Variants in EYS observed in about 807,000 individuals in gnomAD.
EYS encodes the protein protein eyes shut homolog.
A neutral mutation model predicts 282.1 loss-of-function variants in EYS; 250 were observed. The ratio of observed to expected loss-of-function variants is 0.89; its 90% CI spans 0.80 to 0.98. The LOEUF (loss-of-function observed/expected upper bound fraction) is 0.98, where lower values mean the gene tolerates loss of function less well. Among genes scored for constraint, EYS ranks in the 50% least tolerant of loss-of-function variants. The pLI is 0.00. For missense variants in EYS, 4,016 were observed against 3,709.0 expected (o/e 1.08, Z -2.15); for synonymous variants, 1,355 against 1,282.9 (o/e 1.06, Z -1.20).
At chr6:63,761,135 T>C (rs1242661960) in intron 41 of EYS, among the ~76,000 whole-genome samples, 1 of 149,924 alleles carries the variant, frequency 6.7e-6, no homozygotes, top group Non-Finnish European at 1.5e-5. Context: ...TGAAAGACAA[T>C]CAGGAAAGGC....
rs568674779 is a variant in EYS, at chr6:64,439,364, G to T, written c.5645-12C>A. ...AACACAACTGAAATCTGTGGAGTCA[G>T]AAAGAAAATACAATTTAGGTTGAAA... On this transcript the variant is annotated splice_polypyrimidine_tract_variant and intron_variant, in intron 26 of 42. Coordinates refer to ENST00000503581, the MANE Select transcript of EYS (RefSeq NM_001142800.2). 6.1e-6 allele frequency: 9 copies of T among 1,465,176 alleles called. No individual in the cohort carries two copies. The highest frequency in any genetic ancestry group is 5.9e-5 in the African/African-American group (4 of 67,972). The allele number at this position is 1,465,176 out of a possible 1,614,324, so 90.8% of individuals were successfully genotyped here.
chr6:64,361,589 C>T (rs974558678), intron 29 of EYS, among the ~76,000 whole-genome samples: 3 of 151,856 alleles, frequency 2.0e-5, no homozygotes, highest in Non-Finnish European at 4.4e-5. Flanking sequence ...ATAAAAGCAA[C>T]TATCTTTCAA....
chr6:65,103,748 A>G (rs539025231), intron 12 of EYS, among the ~76,000 whole-genome samples: 2 of 151,614 alleles, frequency 1.3e-5, no homozygotes, highest in African/African-American at 2.4e-5. Flanking sequence ...AAAACGCATT[A>G]TAAGTCCACT....
chr6:63,799,247 C>T (rs1373058909), intron 37 of EYS, among the ~76,000 whole-genome samples: 2 of 151,582 alleles, frequency 1.3e-5, no homozygotes, highest in East Asian at 1.9e-4. Context: ...CTCCTGACCT[C>T]GGGTGATCCA....
At chr6:65,640,416 AAG>A (rs569365587) in intron 1 of EYS, among the ~76,000 whole-genome samples, 190 of 111,242 alleles carry the variant, frequency 1.7e-3, no homozygotes, top group African/African-American at 4.7e-3. Flanking sequence ...TTTCATTAAA[AAG>A]AGTTTTTTTT....
At chr6:64,549,663 T>C (rs1271259082) in intron 26 of EYS, among the ~76,000 whole-genome samples, 1 of 152,076 alleles carries the variant, frequency 6.6e-6, no homozygotes, top group Non-Finnish European at 1.5e-5. Context: ...TGACTCTTCA[T>C]GTGATTTCAA....
At chr6:65,404,559 A>C (rs982443697) in intron 6 of EYS, among the ~76,000 whole-genome samples, 1 of 151,976 alleles carries the variant, frequency 6.6e-6, no homozygotes, top group Non-Finnish European at 1.5e-5. Context: ...ATTGGTAACA[A>C]ATCTTTGTAT....
chr6:64,302,165 G>T (rs1340487936), intron 30 of EYS, among the ~76,000 whole-genome samples: 1 of 152,116 alleles, frequency 6.6e-6, no homozygotes, highest in African/African-American at 2.4e-5. Context: ...CAGACCTTCA[G>T]GTTGTGACGT....
intron 2 of EYS, among the ~76,000 whole-genome samples, chr6:65,513,983 A>G (rs1562234013): frequency 6.6e-6 from 1 of 152,174 alleles, no homozygotes; most frequent in East Asian, 1.9e-4. Flanking sequence ...TTCAATTCGG[A>G]AAAGAGGAAG....
chr6:65,165,103 A>C (rs935551901), intron 12 of EYS, among the ~76,000 whole-genome samples: 1 of 151,292 alleles, frequency 6.6e-6, no homozygotes, highest in Admixed American at 6.6e-5. Flanking sequence ...AATGCTTGGC[A>C]AATAAATTCT....
intron 29 of EYS, among the ~76,000 whole-genome samples, chr6:64,367,377 A>G (rs1772214853): frequency 6.6e-6 from 1 of 152,058 alleles, no homozygotes. Context: ...AACTAAAAAA[A>G]TTATATATAT....
chr6:64,562,173 A>AT (rs529249673), intron 26 of EYS, among the ~76,000 whole-genome samples: 54 of 146,662 alleles, frequency 3.7e-4, no homozygotes, highest in Admixed American at 5.5e-4. Flanking sequence ...CATCATCAGG[A>AT]TTTTTTTTTT....
intron 17 of EYS, 28 bp downstream of exon 17, chr6:64,902,376 A>G (rs1767694783): frequency 4.3e-6 from 6 of 1,396,948 alleles, no homozygotes; most frequent in Middle Eastern, 3.5e-4. Context: ...ATAAACATGT[A>G]TCTAGATACT....
intron 15 of EYS, among the ~76,000 whole-genome samples, chr6:64,919,773 CAG>C (rs1768279790): frequency 6.6e-6 from 1 of 151,970 alleles, no homozygotes; most frequent in Non-Finnish European, 1.5e-5. Flanking sequence ...TAATCTTTTT[CAG>C]AGTTATTTAA....
chr6:64,621,296 A>G (rs558116160), intron 23 of EYS, among the ~76,000 whole-genome samples: 1 of 152,332 alleles, frequency 6.6e-6, no homozygotes, highest in East Asian at 1.9e-4. Context: ...TAAGATTTAT[A>G]TATTTTATTT....
At chr6:64,773,563 C>G (rs1216498983) in intron 22 of EYS, among the ~76,000 whole-genome samples, 1 of 151,868 alleles carries the variant, frequency 6.6e-6, no homozygotes, top group Non-Finnish European at 1.5e-5. Context: ...CTGCATTCTA[C>G]AATGGGTGAA....
chr6:64,350,662 G>T (rs773954506), intron 29 of EYS, among the ~76,000 whole-genome samples: 1 of 151,564 alleles, frequency 6.6e-6, no homozygotes, highest in East Asian at 1.9e-4. Context: ...AGGATTCAGC[G>T]TAAAGCTCTG....
intron 12 of EYS, among the ~76,000 whole-genome samples, chr6:65,096,807 G>A: frequency 6.6e-6 from 1 of 150,922 alleles, no homozygotes; most frequent in Non-Finnish European, 1.5e-5. Flanking sequence ...GCAAAATAAT[G>A]AAATTGGACC....
chr6:64,543,872 T>G (rs1419306890), intron 26 of EYS, among the ~76,000 whole-genome samples: 1 of 152,184 alleles, frequency 6.6e-6, no homozygotes, highest in Admixed American at 6.5e-5. Context: ...CTAAGAGATC[T>G]TAAGGTATCA....
Sources: gnomAD v4.1 joint callset for allele counts (sites outside exome capture counted in the v4.1 genomes callset) on GRCh38, gnomAD v4.1.1 for gene constraint, MANE v1.5 for transcripts, NCBI Gene and HGNC (gene_info 2026-07-23, HGNC 2026-07-21) for gene names.